The following SAMD4A variants were observed in gnomAD, a reference collection of about 807,000 sequenced individuals.
SAMD4A encodes the protein sterile alpha motif domain containing 4A.
SAMD4A carries 33 observed loss-of-function variants against 81.3 expected under a neutral mutation model. The ratio of observed to expected loss-of-function variants is 0.41; its 90% CI spans 0.31 to 0.54. SAMD4A has a LOEUF of 0.54. Ranked by LOEUF, SAMD4A falls within the 20% of genes least tolerant of loss-of-function variation. SAMD4A has a pLI of 0.37. For synonymous variants in SAMD4A, 389 were observed against 382.1 expected (o/e 1.02, Z -0.21); for missense variants, 854 against 951.1 (o/e 0.90, Z 1.34).
chr14:54,736,757 A>C (rs1348555289), intron 3 of SAMD4A, among the ~76,000 whole-genome samples: 1 of 152,256 alleles, frequency 6.6e-6, no homozygotes, highest in Non-Finnish European at 1.5e-5. Context: ...AACCAGATCC[A>C]GACCCACAAA....
chr14:54,675,494 A>G (rs144634124), intron 2 of SAMD4A, among the ~76,000 whole-genome samples: 3 of 152,120 alleles, frequency 2.0e-5, no homozygotes, highest in Non-Finnish European at 2.9e-5. Flanking sequence ...TTCCTTAGCT[A>G]TGCTTTAGGT....
chr14:54,738,032 T>C (rs1277500920), intron 4 of SAMD4A, among the ~76,000 whole-genome samples: 1 of 152,252 alleles, frequency 6.6e-6, no homozygotes, highest in Non-Finnish European at 1.5e-5. Context: ...GCATGCTATA[T>C]TTTTAGACTC....
chr14:54,650,743 G>T (rs1343837924), intron 2 of SAMD4A, among the ~76,000 whole-genome samples: 1 of 151,934 alleles, frequency 6.6e-6, no homozygotes. Context: ...TCTCCTCTTT[G>T]TCAAGAGCTT....
chr14:54,694,800 C>T, intron 2 of SAMD4A: 1 of 985,452 alleles, frequency 1.0e-6, no homozygotes, highest in Non-Finnish European at 1.2e-6. Flanking sequence ...TACTTCCCAG[C>T]TGGCCTGGGT....
chr14:54,576,760 G>A lies in SAMD4A; in HGVS notation c.196+8648G>A, dbSNP rs1224575290. Among the ~76,000 whole-genome samples the A allele has an allele frequency of 2.6e-5, 4 of 152,312 alleles. No individual in the cohort carries two copies. The East Asian group carries it at 7.7e-4, about 29-fold the overall frequency. ...ACCTCTTATTTCCTGATGAATTAAT[G>A]GAGAAATAGCAGCAGGTGAGAATCT... On this transcript the variant is annotated intron_variant, in intron 2 of 12. Coordinates refer to ENST00000554335, the MANE Select transcript of SAMD4A (RefSeq NM_015589.6).
chr14:54,625,886 T>A (rs116557983), intron 2 of SAMD4A, among the ~76,000 whole-genome samples: 2,335 of 152,242 alleles, frequency 0.015, 67 homozygotes, highest in African/African-American at 0.054. Flanking sequence ...TCTAATTTGG[T>A]ATCTCTTGAC....
At chr14:54,581,995 T>C (rs1456358727) in intron 2 of SAMD4A, among the ~76,000 whole-genome samples, 1 of 152,228 alleles carries the variant, frequency 6.6e-6, no homozygotes, top group African/African-American at 2.4e-5. Flanking sequence ...TAACAAAGCC[T>C]CCCTATTTTC....
chr14:54,600,437 A>G (rs1294553246), intron 2 of SAMD4A, among the ~76,000 whole-genome samples: 6 of 152,208 alleles, frequency 3.9e-5, no homozygotes, highest in Admixed American at 2.0e-4. Context: ...CCATTGACCC[A>G]GCTGCTTGGA....
At position 54,788,484 on chromosome 14, in the gene SAMD4A, C is replaced by T. The variant is rs550623721; in HGVS notation, c.2129-432C>T. On this transcript the variant is annotated intron_variant, in intron 12 of 12. Coordinates refer to ENST00000554335, the MANE Select transcript of SAMD4A (RefSeq NM_015589.6). ...ACCGCACACCATCCCCACCCTCCTC[C>T]TCCTGCCAGCACCAGCTACAAAAGT... 4.6e-5 allele frequency among the ~76,000 whole-genome samples: 7 copies of T among 152,318 alleles called. No homozygotes were observed. The South Asian group carries it at 1.5e-3, about 32-fold the overall frequency.
chr14:54,739,058 T>TTTC (rs2037779483), intron 4 of SAMD4A, among the ~76,000 whole-genome samples: 1 of 143,022 alleles, frequency 7.0e-6, no homozygotes, highest in African/African-American at 2.6e-5. Flanking sequence ...TCCTTTTCTT[T>TTTC]TTTTTTTTTT....
chr14:54,723,519 C>T (rs780226823), intron 3 of SAMD4A, among the ~76,000 whole-genome samples: 1 of 152,164 alleles, frequency 6.6e-6, no homozygotes, highest in East Asian at 1.9e-4. Flanking sequence ...TGGTGCATTA[C>T]CACCTCCTCA....
intron 2 of SAMD4A, among the ~76,000 whole-genome samples, chr14:54,673,007 AC>A (rs1370767654): frequency 6.6e-6 from 1 of 152,200 alleles, no homozygotes; most frequent in Non-Finnish European, 1.5e-5. Flanking sequence ...GGTACCTGGG[AC>A]CCTTTCTCGA....
At chr14:54,688,266 T>C (rs1176744857) in intron 2 of SAMD4A, 6 of 985,276 alleles carry the variant, frequency 6.1e-6, no homozygotes. Flanking sequence ...GATACCAAAC[T>C]TCACCAAACG....
intron 2 of SAMD4A, among the ~76,000 whole-genome samples, chr14:54,586,781 C>G (rs1232594632): frequency 6.6e-6 from 1 of 152,052 alleles, no homozygotes; most frequent in African/African-American, 2.4e-5. Context: ...TTCCATTGGT[C>G]TAGTGCCTAT....
chr14:54,769,779 A>G (rs2038652084), intron 8 of SAMD4A, among the ~76,000 whole-genome samples: 1 of 152,232 alleles, frequency 6.6e-6, no homozygotes, highest in Admixed American at 6.5e-5. Flanking sequence ...CAATTTTGCA[A>G]TTCATTCTTG....
intron 2 of SAMD4A, among the ~76,000 whole-genome samples, chr14:54,576,778 G>A (rs2033310259): frequency 6.6e-6 from 1 of 152,232 alleles, no homozygotes; most frequent in Admixed American, 6.5e-5. Flanking sequence ...AGCAGCAGGT[G>A]AGAATCTAGT....
chr14:54,597,463 C>T (rs907116416), intron 2 of SAMD4A, among the ~76,000 whole-genome samples: 3 of 151,490 alleles, frequency 2.0e-5, no homozygotes, highest in East Asian at 2.0e-4. Flanking sequence ...TTGGTAGAGA[C>T]AGGGTTTCTC....
At chr14:54,723,900 A>C (rs887834491) in intron 3 of SAMD4A, among the ~76,000 whole-genome samples, 2 of 152,142 alleles carry the variant, frequency 1.3e-5, no homozygotes, top group African/African-American at 4.8e-5. Context: ...TTCATAAAGC[A>C]TCTTCCCATA....
chr14:54,717,813 G>T (rs1295765708), intron 3 of SAMD4A, among the ~76,000 whole-genome samples: 1 of 150,618 alleles, frequency 6.6e-6, no homozygotes, highest in African/African-American at 2.4e-5. Flanking sequence ...AGACCTCGCT[G>T]TTGTTCAGGA....
Sources: allele counts gnomAD v4.1 joint callset (sites outside exome capture counted in the v4.1 genomes callset), GRCh38; gene constraint gnomAD v4.1.1; transcripts MANE v1.5; gene names NCBI Gene and HGNC (gene_info 2026-07-23, HGNC 2026-07-21).